Variants in PPM1E observed in about 807,000 individuals in gnomAD.
PPM1E encodes protein phosphatase 1E.
Under a neutral mutation model 65.9 loss-of-function variants are expected in PPM1E, and 20 were observed. The observed-to-expected ratio is 0.30, with a 90% CI of 0.21 to 0.44. The LOEUF (loss-of-function observed/expected upper bound fraction) is 0.44. PPM1E is among the 20% of genes least tolerant of loss of function. The probability of loss-of-function intolerance (pLI) is 1.00; values close to 1 mark genes in which losing one functional copy is unlikely to be tolerated. For synonymous variants in PPM1E, 352 were observed against 374.9 expected (o/e 0.94, Z 0.70); for missense variants, 713 against 953.1 (o/e 0.75, Z 3.32).
chr17:58,757,745 A>T (rs1042603359), intron 1 of PPM1E, among the ~76,000 whole-genome samples: 7 of 152,222 alleles, frequency 4.6e-5, no homozygotes, highest in Non-Finnish European at 8.8e-5. Context: ...AATCTTCCAT[A>T]GAAGTGGACT....
intron 1 of PPM1E, among the ~76,000 whole-genome samples, chr17:58,796,178 A>G (rs1270850607): frequency 6.6e-6 from 1 of 152,128 alleles, no homozygotes. Context: ...GGACTGGCTA[A>G]GACTACAGAT....
intron 1 of PPM1E, among the ~76,000 whole-genome samples, chr17:58,943,725 G>A (rs561712867): frequency 3.5e-4 from 54 of 152,260 alleles, no homozygotes; most frequent in Middle Eastern, 3.4e-3. Flanking sequence ...TGTGGATGGG[G>A]CCCAGCAATC....
In PPM1E at chr17:58,982,780, A is replaced by C; in HGVS notation, c.*1749A>C. 1.4e-6 allele frequency: 1 copy of C among 726,216 alleles called. No homozygotes were observed. Among genetic ancestry groups the C allele is most frequent in the Non-Finnish European group, 2.2e-6 (1 of 447,162 alleles). The allele number at this position is 726,216 out of a possible 1,614,324, so 45.0% of individuals were successfully genotyped here. A position where few individuals can be genotyped will look rare whatever the true frequency, so the allele number is the denominator to read the frequency against. On this transcript the variant is annotated 3_prime_UTR_variant, in exon 7 of 7. Transcript: ENST00000308249. ...GTGACAAATGGTTGAAAAGGAGTCA[A>C]CATGGCCCCAACTATAGTGCCGGAA...
chr17:58,890,499 T>C (rs2051331686), intron 1 of PPM1E, among the ~76,000 whole-genome samples: 4 of 152,164 alleles, frequency 2.6e-5, no homozygotes. Context: ...ACTCAAATTT[T>C]TACCACTCTG....
rs887800277 is a variant in PPM1E at position 58,921,000 on chromosome 17, G to A, written c.465-34649G>A. ...TAAAAGTGAAACAAAAAGGTTTCAA[G>A]GTGGAGAAAAATGATCATTTCTGTC... On this transcript the variant is annotated intron_variant, in intron 1 of 6. Transcript: ENST00000308249. Among the ~76,000 whole-genome samples the A allele has an allele frequency of 2.6e-5, 4 of 152,290 alleles. No homozygotes were observed. In the South Asian group the frequency reaches 8.3e-4, roughly 32 times the overall value.
intron 1 of PPM1E, among the ~76,000 whole-genome samples, chr17:58,872,101 C>A (rs1050119387): frequency 6.6e-6 from 1 of 152,130 alleles, no homozygotes; most frequent in Non-Finnish European, 1.5e-5. Context: ...AGTTTGAGAC[C>A]AGCCTGGCCA....
chr17:58,830,249 A>G lies in PPM1E; in HGVS notation c.464+73788A>G, dbSNP rs76465683. On this transcript the variant is annotated intron_variant, in intron 1 of 6. Transcript: ENST00000308249. Reference sequence around the variant, plus strand: ...TGTTTTCCCACAGAATTTTGAAGGCATTAGTCTGTTGTCCCTCAGCTTTCA... The same window carrying G: ...TGTTTTCCCACAGAATTTTGAAGGCGTTAGTCTGTTGTCCCTCAGCTTTCA... Among the ~76,000 whole-genome samples, 19 of 152,074 alleles carry G rather than the reference A, an allele frequency of 1.2e-4. No homozygotes were observed. The East Asian group carries it at 3.7e-3, about 29-fold the overall frequency.
chr17:58,950,628 CT>C (rs1052574215), intron 1 of PPM1E, among the ~76,000 whole-genome samples: 3 of 150,724 alleles, frequency 2.0e-5, no homozygotes, highest in East Asian at 1.9e-4. Context: ...TCTTTTCTTT[CT>C]TTTTTTTTCT....
chr17:58,918,805 CAAAAAAAAAAAAA>C (rs71143301), intron 1 of PPM1E, among the ~76,000 whole-genome samples: 4 of 75,810 alleles, frequency 5.3e-5, no homozygotes, highest in East Asian at 9.3e-4. Context: ...GACTCCGTCT[CAAAAAAAAAAAAA>C]AAAAAAAAAA....
At chr17:58,825,195 G>C (rs2050521459) in intron 1 of PPM1E, among the ~76,000 whole-genome samples, 1 of 146,872 alleles carries the variant, frequency 6.8e-6, no homozygotes, top group African/African-American at 2.5e-5. Context: ...AAAAAGAAAG[G>C]CTTGAACTAT....
intron 2 of PPM1E, among the ~76,000 whole-genome samples, chr17:58,959,390 G>A (rs1464571079): frequency 5.3e-5 from 8 of 151,166 alleles, no homozygotes; most frequent in Admixed American, 4.0e-4. Flanking sequence ...CCGAGGTCAG[G>A]AGATCGAGAC....
intron 1 of PPM1E, among the ~76,000 whole-genome samples, chr17:58,838,004 T>C (rs1248863783): frequency 6.6e-6 from 1 of 152,222 alleles, no homozygotes; most frequent in Admixed American, 6.5e-5. Context: ...AAGAAAGTCC[T>C]CTGGAATGTA....
At chr17:58,801,450 T>TC (rs1321135267) in intron 1 of PPM1E, among the ~76,000 whole-genome samples, 1 of 150,154 alleles carries the variant, frequency 6.7e-6, no homozygotes, top group Admixed American at 6.6e-5. Flanking sequence ...CTTTTTTTTT[T>TC]TTTTTTTTTG....
intron 5 of PPM1E, 62 bp downstream of exon 5, chr17:58,972,337 T>C: frequency 5.2e-6 from 8 of 1,530,678 alleles, no homozygotes; most frequent in Non-Finnish European, 7.1e-6. Flanking sequence ...TTTCTAGTTA[T>C]TGATTAGGAT....
rs372738453 is a variant in PPM1E, at chr17:58,755,964, C to A, written c.-34C>A. The A allele has an allele frequency of 1.7e-5, 27 of 1,613,432 alleles. No individual in the cohort carries two copies. Among genetic ancestry groups the A allele is most frequent in the East Asian group, 2.2e-5 (1 of 44,854 alleles). On this transcript the variant is annotated 5_prime_UTR_variant, in exon 1 of 7. Coordinates refer to ENST00000308249, the MANE Select transcript of PPM1E (RefSeq NM_014906.5). ...TTACCCTTCCTGGGCTTCCCCCAAC[C>A]CCTTTCCCGGTCTGCCCTGGGGCAT...
intron 1 of PPM1E, among the ~76,000 whole-genome samples, chr17:58,809,445 T>G (rs2050344714): frequency 6.6e-6 from 1 of 151,968 alleles, no homozygotes; most frequent in African/African-American, 2.4e-5. Flanking sequence ...CAGGTGGGAG[T>G]GCAGTGGCGC....
intron 6 of PPM1E, among the ~76,000 whole-genome samples, chr17:58,979,411 C>G (rs149792437): frequency 7.9e-5 from 12 of 152,292 alleles, no homozygotes; most frequent in Non-Finnish European, 1.5e-4. Context: ...GGGAGTTAGA[C>G]TTGATTTATA....
chr17:58,891,019 G>A (rs901996104), intron 1 of PPM1E, among the ~76,000 whole-genome samples: 2 of 151,778 alleles, frequency 1.3e-5, no homozygotes, highest in African/African-American at 2.4e-5. Flanking sequence ...TACCCAGGCT[G>A]CAGTGCAATG....
chr17:58,951,792 T>C (rs1274540599), intron 1 of PPM1E, among the ~76,000 whole-genome samples: 1 of 152,194 alleles, frequency 6.6e-6, no homozygotes, highest in Non-Finnish European at 1.5e-5. Flanking sequence ...TCGTGAGACC[T>C]TCATCTCAAA....
Sources: allele counts gnomAD v4.1 joint callset (sites outside exome capture counted in the v4.1 genomes callset), GRCh38; gene constraint gnomAD v4.1.1; transcripts MANE v1.5; gene names NCBI Gene and HGNC (gene_info 2026-07-23, HGNC 2026-07-21).